SPAG5: variants seen among roughly 807,000 people sequenced by gnomAD.
SPAG5 encodes the protein sperm associated antigen 5, also known as sperm-associated antigen 5.
Under a neutral mutation model 145.4 loss-of-function variants are expected in SPAG5, and 99 were observed. That is an observed-to-expected ratio of 0.68 (90% CI 0.58 to 0.80). SPAG5 has a LOEUF of 0.80. Among genes scored for constraint, SPAG5 ranks in the 30% least tolerant of loss-of-function variants. SPAG5 has a pLI of 0.00. For synonymous variants in SPAG5, 477 were observed against 525.4 expected (o/e 0.91, Z 1.26); for missense variants, 1,192 against 1,416.0 (o/e 0.84, Z 2.54).
intron 1 of SPAG5, 88 bp from the exon 2 acceptor site, chr17:28,598,723 T>C: frequency 6.5e-7 from 1 of 1,540,788 alleles, no homozygotes; most frequent in Admixed American, 1.9e-5. Flanking sequence ...AAGCCCAAAA[T>C]GCGATTAGAA....
intron 19 of SPAG5, 79 bp downstream of exon 19, chr17:28,579,062 C>T: frequency 2.4e-6 from 3 of 1,240,784 alleles, no homozygotes; most frequent in Non-Finnish European, 3.5e-6. Context: ...ACCCAGATTC[C>T]TGGAGAGATA....
rs769626314 is a variant in SPAG5, at chr17:28,584,664, G to T, written c.2149C>A (p.Arg717Ser). ...QTEQLELENS[R>S]LATDLRAQLQ... is the part of the protein sequence containing the mutation. The stretch of plus-strand genomic sequence containing the variant: ...CACACACAAACACCTGTTGCTAGAC[G>T]ACTGTTTTCCAACTCCAGTTGTTCT... Residue 717 changes from arginine (R) to serine (S), a missense_variant, in exon 11 of 24, where the codon CGT becomes AGT. Arg to Ser is a moderately radical substitution (Grantham distance 110, BLOSUM62 -1). This residue lies in a region of SPAG5 where 709 missense variants were observed against 840.7 expected (regional missense o/e 0.84). Coordinates refer to ENST00000321765, the MANE Select transcript of SPAG5 (RefSeq NM_006461.4). 3 of 1,613,752 alleles carry T rather than the reference G, an allele frequency of 1.9e-6. No homozygotes were observed. Among genetic ancestry groups the T allele is most frequent in the South Asian group, 2.2e-5 (2 of 91,042 alleles).
intron 14 of SPAG5, 42 bp downstream of exon 14, chr17:28,583,811 A>G: frequency 6.3e-7 from 1 of 1,581,984 alleles, no homozygotes; most frequent in South Asian, 1.1e-5. Flanking sequence ...CTGAGAAAAA[A>G]ATAAGCACTT....
chr17:28,585,813 AC>A, intron 7 of SPAG5, 50 bp downstream of exon 7: 1 of 1,613,462 alleles, frequency 6.2e-7, no homozygotes, highest in South Asian at 1.1e-5. Flanking sequence ...TCCTGCAGGA[AC>A]CTTGAGGTGG....
chr17:28,589,350 C>T (rs989203402), intron 4 of SPAG5, among the ~76,000 whole-genome samples: 45 of 152,074 alleles, frequency 3.0e-4, no homozygotes, highest in South Asian at 2.1e-4. Context: ...CCTCCCGCCT[C>T]GGCCTCCCAA....
Position 28,595,324 on chromosome 17 carries a change from A to G in SPAG5, c.178-2258T>C, listed in dbSNP as rs189336457. Among the ~76,000 whole-genome samples the G allele has an allele frequency of 6.0e-4, 92 of 152,294 alleles. 1 individual carries two copies. Among genetic ancestry groups the G allele is most frequent in the Admixed American group, 5.0e-3 (77 of 15,288 alleles). On this transcript the variant is annotated intron_variant, in intron 2 of 23. Coordinates refer to ENST00000321765, the MANE Select transcript of SPAG5 (RefSeq NM_006461.4). Reference sequence around the variant, plus strand: ...GTGTGTGTGTGCATATATACAAAATAGACACACATAAAGAGATGTATGAAA... The same window carrying G: ...GTGTGTGTGTGCATATATACAAAATGGACACACATAAAGAGATGTATGAAA...
At chr17:28,585,262 C>T (rs1477859392) in intron 9 of SPAG5, 47 bp from the exon 10 acceptor site, 1 of 1,611,732 alleles carries the variant, frequency 6.2e-7, no homozygotes, top group South Asian at 1.1e-5. Flanking sequence ...TGAGGCAAAG[C>T]TCACAACAGG....
rs2070540224 is a variant in SPAG5, at chr17:28,580,030, A to G, written c.2776T>C (p.Leu926=). The change falls in exon 16 of 24, where the codon TTG becomes CTG. Residue 926 remains leucine, a synonymous_variant. Transcript: ENST00000321765. ...PNDRTFLGSI[L]TAVADEEPES... The stretch of plus-strand genomic sequence containing the variant: ...TAACCTTCATCTGCCACTGCTGTCA[A>G]GATGCTTCCCAGGAAGGTCCTGTCA... 4 of 1,613,756 alleles carry G rather than the reference A, an allele frequency of 2.5e-6. No homozygotes were observed. The highest frequency in any genetic ancestry group is 1.7e-5 in the Admixed American group (1 of 59,974).
Position 28,583,609 on chromosome 17 carries a change from C to T in SPAG5, c.2587G>A (p.Asp863Asn). The T allele has an allele frequency of 6.2e-7, 1 of 1,613,502 alleles. No homozygotes were observed. The highest frequency in any genetic ancestry group is 8.5e-7 in the Non-Finnish European group (1 of 1,179,854). ...ASTIADNQEQ[D>N]LEKTRQYSQK... ...GAGTACTGCCGTGTTTTCTCCAGAT[C>T]TTGCTCCTGGTTATCTGCTATGGTG... The change falls in exon 15 of 24, where the codon GAT becomes AAT. Residue 863 changes from aspartate to asparagine, a missense_variant. Physicochemically the swap from Asp to Asn is conservative, Grantham distance 23. This residue lies in a region of SPAG5 where 709 missense variants were observed against 840.7 expected (regional missense o/e 0.84). Transcript: ENST00000321765.
chr17:28,583,439 A>T, intron 15 of SPAG5, 72 bp downstream of exon 15: 2 of 1,451,802 alleles, frequency 1.4e-6, no homozygotes, highest in Non-Finnish European at 1.8e-6. Flanking sequence ...GAAAAAGAGT[A>T]ATGTTTTAGG....
chr17:28,598,818 T>A (rs1406743140), intron 1 of SPAG5, 78 bp downstream of exon 1: 2 of 1,574,174 alleles, frequency 1.3e-6, no homozygotes, highest in Non-Finnish European at 1.7e-6. Context: ...GACCCAACTT[T>A]CCAGGACAGT....
chr17:28,583,575 A>C lies in SPAG5; in HGVS notation c.2621T>G (p.Leu874Arg). The change falls in exon 15 of 24, where the codon CTA (leucine) becomes CGA (arginine). Residue 874 changes from leucine (L) to arginine (R), a missense_variant. By Grantham distance (102) the Leu-to-Arg change is moderately radical. Transcript: ENST00000321765. Reference sequence around the variant, plus strand: ...CTGTAGTTGCTCAGTCAGCAGCCCTAGCTTTTGAGAGTACTGCCGTGTTTT... The same window carrying C: ...CTGTAGTTGCTCAGTCAGCAGCCCTCGCTTTTGAGAGTACTGCCGTGTTTT... ...LEKTRQYSQK[L>R]GLLTEQLQSL... 6.2e-7 allele frequency: 1 copy of C among 1,613,900 alleles called. No homozygotes were observed. The highest frequency in any genetic ancestry group is 8.5e-7 in the Non-Finnish European group (1 of 1,179,932).
At position 28,598,625 on chromosome 17, in the gene SPAG5, G is replaced by A; in HGVS notation, c.62C>T (p.Ser21Phe). 1 of 1,600,558 alleles carries A rather than the reference G, an allele frequency of 6.2e-7. No homozygotes were observed. Residue 21 changes from serine to phenylalanine, a missense_variant, in exon 2 of 24, where the codon TCT (serine) becomes TTT (phenylalanine). This residue lies in a region of SPAG5 where 329 missense variants were observed against 354.0 expected (regional missense o/e 0.93). Transcript: ENST00000321765. ...AAGTTCACGGAGAGGAGTTCTCATA[G>A]ATGGTTTTCCCTGAGAAAGAAACCA... ...LSPSPQTGKP[S>F]MRTPLRELTL...
chr17:28,589,772 T>A (rs988810520), intron 4 of SPAG5, among the ~76,000 whole-genome samples: 4 of 152,020 alleles, frequency 2.6e-5, no homozygotes, highest in African/African-American at 9.6e-5. Context: ...ATTAGGTAGG[T>A]GTGGTGGCAT....
In SPAG5 at chr17:28,592,217, G is replaced by T. The variant is rs778006134; in HGVS notation, c.1027C>A (p.Leu343Met). ...TTTACACCTTTTTCCAGCCAGGCCA[G>T]TGGGGACATCCAAGACTCTGTATCA... is the stretch of plus-strand genomic sequence containing the variant. Reference protein sequence around the residue: ...GSDTESWMSPLAWLEKGVNTS... With the variant: ...GSDTESWMSPMAWLEKGVNTS... Residue 343 changes from leucine (L) to methionine (M), a missense_variant, in exon 3 of 24, where the codon CTG becomes ATG. Leu to Met is a conservative substitution (Grantham distance 15). This residue lies in a region of SPAG5 where 125 missense variants were observed against 143.8 expected (regional missense o/e 0.87). Coordinates refer to ENST00000321765, the MANE Select transcript of SPAG5 (RefSeq NM_006461.4). The T allele has an allele frequency of 2.0e-5, 33 of 1,614,198 alleles. No homozygotes were observed. The highest frequency in any genetic ancestry group is 2.7e-5 in the Non-Finnish European group (32 of 1,180,036).
At position 28,592,284 on chromosome 17, in the gene SPAG5, A is replaced by T; in HGVS notation, c.960T>A (p.Ala320=). The change falls in exon 3 of 24, where the codon GCT becomes GCA. Residue 320 remains alanine (A), a synonymous_variant. Coordinates refer to ENST00000321765, the MANE Select transcript of SPAG5 (RefSeq NM_006461.4). ...PNLVEMESQE[A]PGPAVEDVGR... ...CAACATCTTCTACTGCTGGGCCTGG[A>T]GCTTCTTGGGATTCCATTTCTACTA... The T allele has an allele frequency of 6.2e-7, 1 of 1,614,100 alleles. No individual in the cohort carries two copies. The highest frequency in any genetic ancestry group is 1.3e-5 in the African/African-American group (1 of 75,020).
Position 28,578,046 on chromosome 17 carries a change from T to C in SPAG5, c.3474A>G (p.Leu1158=), listed in dbSNP as rs1294143403. 1 of 1,614,052 alleles carries C rather than the reference T, an allele frequency of 6.2e-7. No individual in the cohort carries two copies. Among genetic ancestry groups the C allele is most frequent in the Non-Finnish European group, 8.5e-7 (1 of 1,179,968 alleles). Residue 1158 remains leucine, a synonymous_variant, in exon 23 of 24, where the codon TTA becomes TTG. Transcript: ENST00000321765. ...GCTGAACAATGTCATCTAGTTTTTC[T>C]AACTCCTTGTCAGAGCGCCGAAGGT... ...EENLRRSDKE[L]EKLDDIVQHI... is the part of the protein sequence containing the mutation.
In SPAG5 at chr17:28,579,466, C is replaced by T. The variant is rs1224932748; in HGVS notation, c.2904G>A (p.Glu968=). 2 of 1,613,984 alleles carry T rather than the reference C, an allele frequency of 1.2e-6. No individual in the cohort carries two copies. Among genetic ancestry groups the T allele is most frequent in the East Asian group, 4.5e-5 (2 of 44,874 alleles). The change falls in exon 18 of 24, where the codon GAG becomes GAA. Residue 968 remains glutamate, a synonymous_variant. Coordinates refer to ENST00000321765, the MANE Select transcript of SPAG5 (RefSeq NM_006461.4). ...LQPAETPGME[E]SLAEMSIMTT... ...TCATAATACTCATTTCTGCCAGGCTCTCCTCCATGCCTGGGGTCTCTGAAA... is the reference window on the plus strand; with the variant it reads ...TCATAATACTCATTTCTGCCAGGCTTTCCTCCATGCCTGGGGTCTCTGAAA...
intron 15 of SPAG5, 66 bp from the exon 16 acceptor site, chr17:28,580,186 TC>T: frequency 9.9e-7 from 1 of 1,010,982 alleles, no homozygotes; most frequent in Non-Finnish European, 1.5e-6. Context: ...TCCAGGTAAC[TC>T]CCAGCCATCT....
Sources: gnomAD v4.1 joint callset for allele counts (sites outside exome capture counted in the v4.1 genomes callset) on GRCh38, gnomAD v4.1.1 for gene constraint, gnomAD v4.1.1 regional missense constraint, MANE v1.5 for transcripts, NCBI Gene and HGNC (gene_info 2026-07-23, HGNC 2026-07-21) for gene names.